NEBL: variants seen among roughly 807,000 people sequenced by gnomAD.
NEBL encodes nebulette.
Under a neutral mutation model 140.2 loss-of-function variants are expected in NEBL, and 122 were observed. The observed-to-expected ratio is 0.87, with a 90% confidence interval of 0.75 to 1.01. The LOEUF (loss-of-function observed/expected upper bound fraction) is 1.01, where lower values mean the gene tolerates loss of function less well. Ranked by LOEUF, NEBL falls within the 50% of genes least tolerant of loss-of-function variation. The probability of loss-of-function intolerance (pLI) is 0.00; values close to 1 mark genes in which losing one functional copy is unlikely to be tolerated. For missense variants in NEBL, 1,365 were observed against 1,231.3 expected (o/e 1.11, Z -1.62); for synonymous variants, 436 against 398.9 (o/e 1.09, Z -1.11).
intron 2 of NEBL, among the ~76,000 whole-genome samples, chr10:21,037,946 C>T (rs574614011): frequency 6.6e-6 from 1 of 152,084 alleles, no homozygotes; most frequent in African/African-American, 2.4e-5. Context: ...AACTAAATGC[C>T]CAGCAGAACG....
intron 3 of NEBL, among the ~76,000 whole-genome samples, chr10:20,975,656 A>G (rs1023839205): frequency 6.6e-6 from 1 of 152,212 alleles, no homozygotes. Context: ...GAATACCTAC[A>G]GTCATTACAT....
intron 1 of NEBL, among the ~76,000 whole-genome samples, chr10:21,259,928 C>A (rs1394660074): frequency 6.6e-6 from 1 of 152,182 alleles, no homozygotes; most frequent in African/African-American, 2.4e-5. Context: ...AGGCAGTTGG[C>A]AGCCACTTTG....
rs577384767 is a variant in NEBL at position 21,017,165 on chromosome 10, A to G, written c.249+2952T>C. On this transcript the variant is annotated intron_variant, in intron 3 of 6. Transcript: ENST00000417816. ...GTTATCGAAATTCTCTAAAGGTTGA[A>G]TGTGTTACCTAAATAGAGATAATAA... is the stretch of plus-strand genomic sequence containing the variant. 1.4e-4 allele frequency among the ~76,000 whole-genome samples: 22 copies of G among 152,268 alleles called. No individual in the cohort carries two copies. In the East Asian group the frequency reaches 3.9e-3, roughly 27 times the overall value.
intron 2 of NEBL, among the ~76,000 whole-genome samples, chr10:21,034,125 C>G (rs2131812718): frequency 6.9e-6 from 1 of 144,130 alleles, no homozygotes; most frequent in Admixed American, 7.0e-5. Flanking sequence ...TGTGATTGTA[C>G]CACTGCACTC....
At chr10:20,974,466 G>A (rs149042932) in intron 3 of NEBL, among the ~76,000 whole-genome samples, 4 of 151,864 alleles carry the variant, frequency 2.6e-5, no homozygotes, top group Admixed American at 6.6e-5. Flanking sequence ...GCTGCTTCTC[G>A]AACTCCTGAG....
intron 4 of NEBL, among the ~76,000 whole-genome samples, chr10:20,929,192 G>C (rs989775452): frequency 6.6e-6 from 1 of 151,872 alleles, no homozygotes; most frequent in Non-Finnish European, 1.5e-5. Flanking sequence ...ATTCGCAATA[G>C]CAAAAATACG....
At chr10:21,145,321 G>T (rs571896036) in intron 2 of NEBL, among the ~76,000 whole-genome samples, 1 of 152,126 alleles carries the variant, frequency 6.6e-6, no homozygotes, top group Non-Finnish European at 1.5e-5. Context: ...AAAGTTATTT[G>T]TATAAAGCTG....
At chr10:21,040,855 A>T (rs1834238216) in intron 2 of NEBL, among the ~76,000 whole-genome samples, 1 of 151,936 alleles carries the variant, frequency 6.6e-6, no homozygotes, top group Non-Finnish European at 1.5e-5. Flanking sequence ...AGTGTGTAGC[A>T]CCTTCCCCTT....
intron 2 of NEBL, among the ~76,000 whole-genome samples, chr10:21,135,287 C>T (rs1407807470): frequency 1.3e-5 from 2 of 152,214 alleles, no homozygotes; most frequent in African/African-American, 4.8e-5. Flanking sequence ...TGGGGCGAGG[C>T]CACAGGGCCA....
chr10:21,221,935 C>A (rs866815680), intron 3 of NEBL, among the ~76,000 whole-genome samples: 1 of 151,762 alleles, frequency 6.6e-6, no homozygotes, highest in African/African-American at 2.4e-5. Context: ...GACTGCATGG[C>A]GTTGAGTGAT....
chr10:20,842,819 A>C (rs1588757747), intron 12 of NEBL, among the ~76,000 whole-genome samples: 1 of 152,184 alleles, frequency 6.6e-6, no homozygotes, highest in East Asian at 1.9e-4. Context: ...CAAAAAAAGT[A>C]TTCCTCCCGT....
intron 4 of NEBL, among the ~76,000 whole-genome samples, chr10:20,915,348 G>A (rs1848501817): frequency 1.3e-5 from 2 of 150,796 alleles, no homozygotes; most frequent in Admixed American, 1.3e-4. Flanking sequence ...CTGGTGCGCT[G>A]CACCCACTAA....
chr10:20,837,701 A>G (rs960175177), intron 13 of NEBL, among the ~76,000 whole-genome samples: 1 of 152,196 alleles, frequency 6.6e-6, no homozygotes, highest in Non-Finnish European at 1.5e-5. Flanking sequence ...GGAGAAGTCA[A>G]TGTCTGCTTC....
intron 26 of NEBL, among the ~76,000 whole-genome samples, chr10:20,804,035 AT>A (rs1192941719): frequency 1.3e-5 from 2 of 152,060 alleles, no homozygotes; most frequent in Non-Finnish European, 2.9e-5. Flanking sequence ...TCATTTGGCC[AT>A]TTTATTCCCT....
intron 2 of NEBL, among the ~76,000 whole-genome samples, chr10:21,128,807 A>G (rs952708939): frequency 6.6e-6 from 1 of 152,232 alleles, no homozygotes; most frequent in Admixed American, 6.5e-5. Context: ...TAACATTGAA[A>G]AAAACCAGAA....
intron 3 of NEBL, among the ~76,000 whole-genome samples, chr10:21,245,139 G>T (rs960253801): frequency 3.3e-5 from 5 of 152,122 alleles, no homozygotes; most frequent in African/African-American, 1.2e-4. Flanking sequence ...ACTCCAGCCT[G>T]GGCAACGGAG....
chr10:21,095,593 T>C (rs923909412), intron 2 of NEBL, among the ~76,000 whole-genome samples: 1 of 152,164 alleles, frequency 6.6e-6, no homozygotes, highest in Non-Finnish European at 1.5e-5. Flanking sequence ...TTAATGTAAG[T>C]AGAGTCCAAA....
At chr10:21,171,972 C>T in intron 2 of NEBL, 1 of 255,676 alleles carries the variant, frequency 3.9e-6, no homozygotes, top group Non-Finnish European at 7.7e-6. Context: ...AGACTCCTTT[C>T]CATAGCAACT....
chr10:21,189,287 ACC>A (rs1227947810), intron 3 of NEBL, among the ~76,000 whole-genome samples: 1 of 152,090 alleles, frequency 6.6e-6, no homozygotes, highest in Admixed American at 6.5e-5. Flanking sequence ...AGGCAATGTG[ACC>A]ACACAGGTAG....
Sources: allele counts gnomAD v4.1 joint callset (sites outside exome capture counted in the v4.1 genomes callset), GRCh38; gene constraint gnomAD v4.1.1; transcripts MANE v1.5; gene names NCBI Gene and HGNC (gene_info 2026-07-23, HGNC 2026-07-21).